The following PGM5 variants were observed in gnomAD, a reference collection of about 807,000 sequenced individuals.
PGM5 encodes the protein phosphoglucomutase-like protein 5.
PGM5 carries 23 observed loss-of-function variants against 59.2 expected under a neutral mutation model. The observed-to-expected ratio is 0.39, with a 90% CI of 0.28 to 0.55. PGM5 has a LOEUF of 0.55. Ranked by LOEUF, PGM5 falls within the 20% of genes least tolerant of loss-of-function variation. The pLI, the probability that PGM5 is intolerant of heterozygous loss-of-function variation, is 0.66. For synonymous variants in PGM5, 214 were observed against 286.0 expected, an observed-to-expected ratio of 0.75 and a Z score of 2.54; for missense variants, 574 against 748.3, an observed-to-expected ratio of 0.77 and a Z score of 2.72.
chr9:68,492,052 C>CA (rs1460666846), intron 9 of PGM5, among the ~76,000 whole-genome samples: 1 of 152,124 alleles, frequency 6.6e-6, no homozygotes, highest in Non-Finnish European at 1.5e-5. Flanking sequence ...TATCGAATGA[C>CA]AACACAGTTA....
chr9:68,475,898 T>C (rs1824094946), intron 7 of PGM5, among the ~76,000 whole-genome samples: 1 of 152,108 alleles, frequency 6.6e-6, no homozygotes, highest in Non-Finnish European at 1.5e-5. Flanking sequence ...GTGTGCACCT[T>C]GAGTCCCAGC....
rs1834461887 is a variant in PGM5 at position 68,357,044 on chromosome 9, C to T, written c.-84C>T. Reference sequence around the variant, plus strand: ...CCGGGCGCGAGGCGGAGTCCCGGCGCGCAGCCAGGCTGGTGGAGGCCCCCG... The same window carrying T: ...CCGGGCGCGAGGCGGAGTCCCGGCGTGCAGCCAGGCTGGTGGAGGCCCCCG... On this transcript the variant is annotated 5_prime_UTR_variant, in exon 1 of 11. Coordinates refer to ENST00000396396, the MANE Select transcript of PGM5 (RefSeq NM_021965.4). 9.8e-6 allele frequency: 13 copies of T among 1,327,076 alleles called. No homozygotes were observed. The highest frequency in any genetic ancestry group is 1.3e-5 in the Non-Finnish European group (13 of 1,026,796). The allele number at this position is 1,327,076 out of a possible 1,614,324, so 82.2% of individuals were successfully genotyped here.
intron 6 of PGM5, among the ~76,000 whole-genome samples, chr9:68,454,952 C>CT (rs1823750628): frequency 6.6e-6 from 1 of 152,180 alleles, no homozygotes; most frequent in Non-Finnish European, 1.5e-5. Context: ...ATGACCTTTC[C>CT]TTATGCTTCC....
intron 6 of PGM5, among the ~76,000 whole-genome samples, chr9:68,435,769 T>C (rs1204909286): frequency 1.3e-5 from 2 of 152,348 alleles, no homozygotes; most frequent in Non-Finnish European, 2.9e-5. Flanking sequence ...TTTTCTTTTC[T>C]CTGTATCCTG....
chr9:68,413,424 C>T (rs1411531959), intron 6 of PGM5, among the ~76,000 whole-genome samples: 6 of 152,114 alleles, frequency 3.9e-5, no homozygotes, highest in Admixed American at 1.3e-4. Flanking sequence ...GACTCACACA[C>T]GCAAGTACTC....
chr9:68,434,354 GA>G (rs1351916199), intron 6 of PGM5, among the ~76,000 whole-genome samples: 1 of 144,814 alleles, frequency 6.9e-6, no homozygotes, highest in Non-Finnish European at 1.5e-5. Flanking sequence ...AAGAAAAAAA[GA>G]AAAAAATGTC....
chr9:68,525,339 T>G (rs1001955106), intron 10 of PGM5, among the ~76,000 whole-genome samples: 4 of 152,186 alleles, frequency 2.6e-5, no homozygotes, highest in Non-Finnish European at 5.9e-5. Flanking sequence ...TAGCCCTGAA[T>G]AAGACAAAGT....
chr9:68,475,507 T>C (rs1177708899), intron 7 of PGM5, among the ~76,000 whole-genome samples: 2 of 152,042 alleles, frequency 1.3e-5, no homozygotes, highest in African/African-American at 2.4e-5. Context: ...TATATACATA[T>C]CTATATTTTT....
At chr9:68,512,099 G>C (rs1824759058) in intron 10 of PGM5, among the ~76,000 whole-genome samples, 1 of 152,172 alleles carries the variant, frequency 6.6e-6, no homozygotes, top group Non-Finnish European at 1.5e-5. Context: ...TAGTGAGTAG[G>C]GGTTGTTCAA....
chr9:68,470,357 C>T (rs984433700), intron 7 of PGM5, among the ~76,000 whole-genome samples: 1 of 152,156 alleles, frequency 6.6e-6, no homozygotes, highest in African/African-American at 2.4e-5. Flanking sequence ...TCTCCAGTTA[C>T]TTTGTGAATG....
At chr9:68,445,857 C>T (rs1328444760) in intron 6 of PGM5, among the ~76,000 whole-genome samples, 1 of 152,174 alleles carries the variant, frequency 6.6e-6, no homozygotes, top group Admixed American at 6.5e-5. Context: ...TGTTTTCTTA[C>T]GTGTAGTTAT....
intron 6 of PGM5, among the ~76,000 whole-genome samples, chr9:68,420,477 C>T (rs1341159950): frequency 6.6e-6 from 1 of 152,142 alleles, no homozygotes; most frequent in South Asian, 2.1e-4. Context: ...ATTTAGCATG[C>T]TGTATTTTAG....
At chr9:68,474,948 T>C (rs1339365152) in intron 7 of PGM5, among the ~76,000 whole-genome samples, 2 of 149,100 alleles carry the variant, frequency 1.3e-5, no homozygotes, top group Non-Finnish European at 3.0e-5. Flanking sequence ...ACTATATGAC[T>C]CTAGAAAAGG....
intron 10 of PGM5, among the ~76,000 whole-genome samples, chr9:68,526,066 A>C (rs961608829): frequency 7.6e-6 from 1 of 132,120 alleles, no homozygotes; most frequent in Non-Finnish European, 1.5e-5. Flanking sequence ...AAAAAAAAAA[A>C]AGAAAGAAAG....
intron 9 of PGM5, among the ~76,000 whole-genome samples, chr9:68,489,619 C>G (rs782092198): frequency 6.6e-6 from 1 of 151,936 alleles, no homozygotes; most frequent in African/African-American, 2.4e-5. Flanking sequence ...CGTGCACCAC[C>G]ACGCCCAGCT....
chr9:68,516,958 G>A (rs772288517), intron 10 of PGM5, among the ~76,000 whole-genome samples: 1 of 151,866 alleles, frequency 6.6e-6, no homozygotes, highest in Admixed American at 6.6e-5. Context: ...TGCAACCTCC[G>A]CCTCCTGGGT....
chr9:68,375,392 C>A (rs1821853481), intron 1 of PGM5, among the ~76,000 whole-genome samples: 1 of 152,222 alleles, frequency 6.6e-6, no homozygotes, highest in South Asian at 2.1e-4. Context: ...TCTGTTCATC[C>A]TCCTTCCAAA....
At chr9:68,453,237 T>G (rs1318089184) in intron 6 of PGM5, among the ~76,000 whole-genome samples, 2 of 152,228 alleles carry the variant, frequency 1.3e-5, no homozygotes, top group African/African-American at 2.4e-5. Context: ...AGCACTGGAC[T>G]TGGTAAATTA....
chr9:68,404,859 G>A (rs1554680967), intron 6 of PGM5, among the ~76,000 whole-genome samples: 1 of 152,204 alleles, frequency 6.6e-6, no homozygotes, highest in East Asian at 1.9e-4. Flanking sequence ...CTGAAATGGG[G>A]CCTAAATAGC....
Sources: allele counts gnomAD v4.1 joint callset (sites outside exome capture counted in the v4.1 genomes callset), GRCh38; gene constraint gnomAD v4.1.1; transcripts MANE v1.5; gene names NCBI Gene and HGNC (gene_info 2026-07-23, HGNC 2026-07-21).